Variants in TRAPPC3L observed in about 807,000 individuals in gnomAD.
The protein encoded by TRAPPC3L is trafficking protein particle complex subunit 3L.
Under a neutral mutation model 23.7 loss-of-function variants are expected in TRAPPC3L, and 23 were observed. The ratio of observed to expected loss-of-function variants is 0.97; its 90% confidence interval spans 0.70 to 1.37. The LOEUF (loss-of-function observed/expected upper bound fraction) is 1.37. Among genes scored for constraint, TRAPPC3L ranks in the 40% most tolerant of loss-of-function variants. TRAPPC3L has a pLI of 0.00. For missense variants in TRAPPC3L, 212 were observed against 216.8 expected (o/e 0.98, Z 0.14); for synonymous variants, 81 against 77.9 (o/e 1.04, Z -0.21).
In TRAPPC3L at chr6:116,504,929, C is replaced by T. The variant is rs186591739; in HGVS notation, c.241-4263G>A. Among the ~76,000 whole-genome samples, 357 of 152,276 alleles carry T rather than the reference C, an allele frequency of 2.3e-3. 11 individuals are homozygous for T. The highest frequency in any genetic ancestry group is 0.022 in the Admixed American group (335 of 15,298). Reference sequence around the variant, plus strand: ...CAATATCATATTGAATGGGCAAAAACTGGAAGCATTCCCTTTGAAAACCGG... The same window carrying T: ...CAATATCATATTGAATGGGCAAAAATTGGAAGCATTCCCTTTGAAAACCGG... On this transcript the variant is annotated intron_variant, in intron 3 of 4. Coordinates refer to ENST00000368602, the MANE Select transcript of TRAPPC3L (RefSeq NM_001139444.3).
chr6:116,525,467 G>A (rs1037965323), intron 3 of TRAPPC3L, among the ~76,000 whole-genome samples: 1 of 152,038 alleles, frequency 6.6e-6, no homozygotes, highest in Non-Finnish European at 1.5e-5. Context: ...GATATAGAAG[G>A]AATTTTTAGC....
rs1418877089 is a variant in TRAPPC3L, at chr6:116,496,836, GC to G, written c.*117del. On this transcript the variant is annotated 3_prime_UTR_variant, in exon 5 of 5. Coordinates refer to ENST00000368602, the MANE Select transcript of TRAPPC3L (RefSeq NM_001139444.3). The stretch of plus-strand genomic sequence containing the variant: ...TCATGCCCTGCATTTCAAATTTCTG[GC>G]TGATTTATAAACCTTTCAAAGCTCA... The G allele has an allele frequency of 7.5e-7, 1 of 1,332,526 alleles. No homozygotes were observed. The highest frequency in any genetic ancestry group is 9.8e-7 in the Non-Finnish European group (1 of 1,025,300). 82.5% of individuals were successfully genotyped at this position (1,332,526 alleles called of 1,614,324 possible).
Position 116,511,604 on chromosome 6 carries a change from T to C in TRAPPC3L, c.241-10938A>G, listed in dbSNP as rs971290376. On this transcript the variant is annotated intron_variant, in intron 3 of 4. Transcript: ENST00000368602. The stretch of plus-strand genomic sequence containing the variant: ...CAATTCAGTCTGAGAAGGACTGTTG[T>C]TTCTGATGAAGAAAGAGCTCCACCC... 19 of 1,161,254 alleles carry C rather than the reference T, an allele frequency of 1.6e-5. No homozygotes were observed. The South Asian group carries it at 2.8e-4, about 17-fold the overall frequency. 71.9% of individuals were successfully genotyped at this position (1,161,254 alleles called of 1,614,324 possible).
At chr6:116,500,719 G>T (rs1472428872) in intron 3 of TRAPPC3L, 53 bp from the exon 4 acceptor site, 3 of 1,473,440 alleles carry the variant, frequency 2.0e-6, no homozygotes, top group South Asian at 1.2e-5. Flanking sequence ...AAATAACTAT[G>T]AGCAGACTAA....
Position 116,511,791 on chromosome 6 carries a change from G to A in TRAPPC3L, c.241-11125C>T, listed in dbSNP as rs76802220. 70 of 1,614,090 alleles carry A rather than the reference G, an allele frequency of 4.3e-5. No individual in the cohort carries two copies. In the East Asian group the frequency reaches 1.4e-3, roughly 33 times the overall value. On this transcript the variant is annotated intron_variant, in intron 3 of 4. Coordinates refer to ENST00000368602, the MANE Select transcript of TRAPPC3L (RefSeq NM_001139444.3). The stretch of plus-strand genomic sequence containing the variant: ...GCTCTGCTGACCGTGGGAAGTGAGC[G>A]TCTCTTTTCTGTTGTGGCTTTTAAG...
chr6:116,505,001 T>G (rs1771979164), intron 3 of TRAPPC3L, among the ~76,000 whole-genome samples: 1 of 152,192 alleles, frequency 6.6e-6, no homozygotes, highest in Non-Finnish European at 1.5e-5. Flanking sequence ...CAACATAGTA[T>G]TGGAAGTTCT....
intron 4 of TRAPPC3L, among the ~76,000 whole-genome samples, chr6:116,497,362 A>G (rs1771847736): frequency 6.6e-6 from 1 of 152,196 alleles, no homozygotes; most frequent in South Asian, 2.1e-4. Flanking sequence ...CTCTGGATCC[A>G]TCTTCAGAAG....
At chr6:116,507,404 A>T (rs1772024259) in intron 3 of TRAPPC3L, among the ~76,000 whole-genome samples, 1 of 152,186 alleles carries the variant, frequency 6.6e-6, no homozygotes, top group African/African-American at 2.4e-5. Context: ...GGTCAAGATA[A>T]TTTGAAAATG....
chr6:116,506,340 C>T (rs6635999), intron 3 of TRAPPC3L, among the ~76,000 whole-genome samples: 3 of 152,126 alleles, frequency 2.0e-5, no homozygotes, highest in African/African-American at 7.2e-5. Context: ...GTTAGAATGG[C>T]GATCATCAAA....
At chr6:116,512,381 C>A in intron 3 of TRAPPC3L, 1 of 951,534 alleles carries the variant, frequency 1.1e-6, no homozygotes, top group Non-Finnish European at 1.5e-6. Flanking sequence ...TTGAGACTAT[C>A]TCAGGAAAAG....
At position 116,543,056 on chromosome 6, in the gene TRAPPC3L, G is replaced by A. The variant is rs73769125; in HGVS notation, c.140+247C>T. Among the ~76,000 whole-genome samples the A allele has an allele frequency of 5.7e-3, 865 of 152,214 alleles. 10 individuals carry two copies. Among genetic ancestry groups the A allele is most frequent in the African/African-American group, 0.02 (842 of 41,562 alleles). ...TATAAGCGACTCTTAAGTCACTTAA[G>A]AAATGATTTCTAACTAAAGAGAAAA... is the stretch of plus-strand genomic sequence containing the variant. On this transcript the variant is annotated intron_variant, in intron 2 of 4. Coordinates refer to ENST00000368602, the MANE Select transcript of TRAPPC3L (RefSeq NM_001139444.3).
At chr6:116,543,447 A>AG in intron 1 of TRAPPC3L, 47 bp from the exon 2 acceptor site, 9 of 1,385,106 alleles carry the variant, frequency 6.5e-6, no homozygotes, top group Non-Finnish European at 8.9e-6. Context: ...TTATGACAGT[A>AG]TACTACTGTA....
chr6:116,533,777 T>C (rs1772897336), intron 3 of TRAPPC3L, among the ~76,000 whole-genome samples: 1 of 152,218 alleles, frequency 6.6e-6, no homozygotes, highest in African/African-American at 2.4e-5. Context: ...GCGTGCCTTT[T>C]GTTGGCTTGC....
intron 3 of TRAPPC3L, chr6:116,515,460 T>C: frequency 1.0e-6 from 1 of 981,962 alleles, no homozygotes; most frequent in Non-Finnish European, 1.5e-6. Flanking sequence ...TTTAAAGTGT[T>C]TAAAAATTAA....
chr6:116,496,771 C>A lies in TRAPPC3L; in HGVS notation c.*183G>T. 1 of 778,116 alleles carries A rather than the reference C, an allele frequency of 1.3e-6. No homozygotes were observed. Among genetic ancestry groups the A allele is most frequent in the South Asian group, 2.6e-5 (1 of 39,210 alleles). 48.2% of individuals were successfully genotyped at this position (778,116 alleles called of 1,614,324 possible). ...TTTTGTGGACATGAGATTGAAAATGCGTGATTTATAAGCAAAAGGAAAAAA... is the reference window on the plus strand; with the variant it reads ...TTTTGTGGACATGAGATTGAAAATGAGTGATTTATAAGCAAAAGGAAAAAA... On this transcript the variant is annotated 3_prime_UTR_variant, in exon 5 of 5. Transcript: ENST00000368602.
At chr6:116,508,704 T>C (rs1436172302) in intron 3 of TRAPPC3L, among the ~76,000 whole-genome samples, 5 of 152,188 alleles carry the variant, frequency 3.3e-5, no homozygotes, top group Admixed American at 2.0e-4. Flanking sequence ...TCTCTAACAC[T>C]AGCCAGTTTA....
intron 3 of TRAPPC3L, among the ~76,000 whole-genome samples, chr6:116,505,331 A>C (rs1234374634): frequency 6.6e-6 from 1 of 152,212 alleles, no homozygotes; most frequent in Non-Finnish European, 1.5e-5. Flanking sequence ...GGACCTCTTC[A>C]AGGAGAATTA....
intron 2 of TRAPPC3L, among the ~76,000 whole-genome samples, chr6:116,542,923 T>A (rs1773551594): frequency 1.3e-5 from 2 of 152,116 alleles, no homozygotes; most frequent in Admixed American, 1.3e-4. Flanking sequence ...AAGCATATAT[T>A]TATATTGGAA....
intron 3 of TRAPPC3L, among the ~76,000 whole-genome samples, chr6:116,502,009 T>C (rs1264966876): frequency 3.3e-5 from 5 of 152,110 alleles, no homozygotes; most frequent in African/African-American, 1.2e-4. Context: ...GGAACAAAAC[T>C]GGATAGAGAA....
Sources: allele counts gnomAD v4.1 joint callset (sites outside exome capture counted in the v4.1 genomes callset), GRCh38; gene constraint gnomAD v4.1.1; transcripts MANE v1.5; gene names NCBI Gene and HGNC (gene_info 2026-07-23, HGNC 2026-07-21).